The following DRG1 variants were observed in gnomAD, a reference collection of about 807,000 sequenced individuals.
The protein encoded by DRG1 is developmentally-regulated GTP-binding protein 1.
In DRG1, 19 loss-of-function variants were observed where a neutral mutation model predicts 38.8. The observed-to-expected ratio is 0.49, with a 90% CI of 0.34 to 0.72. The LOEUF (loss-of-function observed/expected upper bound fraction) is 0.72. Among genes scored for constraint, DRG1 ranks in the 30% least tolerant of loss-of-function variants. The pLI is 0.01. For synonymous variants in DRG1, 167 were observed against 157.5 expected (o/e 1.06, Z -0.45); for missense variants, 299 against 444.8 (o/e 0.67, Z 2.95).
intron 4 of DRG1, among the ~76,000 whole-genome samples, chr22:31,418,411 T>G (rs2050056135): frequency 6.6e-6 from 1 of 152,118 alleles, no homozygotes; most frequent in South Asian, 2.1e-4. Context: ...TGAGCTATGA[T>G]CATGCGACTG....
At chr22:31,421,075 G>A (rs541718050) in intron 5 of DRG1, among the ~76,000 whole-genome samples, 6 of 151,966 alleles carry the variant, frequency 3.9e-5, no homozygotes, top group Admixed American at 1.3e-4. Flanking sequence ...GCCTGCCATC[G>A]CACCCAGCTA....
intron 4 of DRG1, among the ~76,000 whole-genome samples, chr22:31,418,563 A>G (rs2050057283): frequency 6.6e-6 from 1 of 152,078 alleles, no homozygotes; most frequent in Non-Finnish European, 1.5e-5. Flanking sequence ...GCTGGAGTGC[A>G]GTGGCATGAT....
At chr22:31,409,579 G>A (rs926383663) in intron 3 of DRG1, among the ~76,000 whole-genome samples, 3 of 152,168 alleles carry the variant, frequency 2.0e-5, no homozygotes, top group Non-Finnish European at 4.4e-5. Context: ...TTTGTGAGTT[G>A]GGGATTTGCA....
rs1483080610 is a variant in DRG1 at position 31,415,880 on chromosome 22, C to T, written c.413-4376C>T. 2.0e-5 allele frequency among the ~76,000 whole-genome samples: 3 copies of T among 151,782 alleles called. No homozygotes were observed. In the South Asian group the frequency reaches 6.2e-4, roughly 31 times the overall value. On this transcript the variant is annotated intron_variant, in intron 4 of 8. Transcript: ENST00000331457. ...CCTTCTTTTTTTTTCCCCTTTGATTCGTAGTGACTGCAAACTCTTCACCTA... is the reference window on the plus strand; with the variant it reads ...CCTTCTTTTTTTTTCCCCTTTGATTTGTAGTGACTGCAAACTCTTCACCTA...
chr22:31,413,303 C>A (rs978233982), intron 4 of DRG1, among the ~76,000 whole-genome samples: 1 of 152,090 alleles, frequency 6.6e-6, no homozygotes, highest in Non-Finnish European at 1.5e-5. Flanking sequence ...CTCTGTTGCC[C>A]AGGCTGGTCT....
intron 8 of DRG1, among the ~76,000 whole-genome samples, chr22:31,428,086 G>A (rs1377072991): frequency 1.3e-5 from 2 of 152,092 alleles, no homozygotes; most frequent in African/African-American, 4.8e-5. Flanking sequence ...TCCTGAGCTC[G>A]AGCAATTCAC....
intron 3 of DRG1, among the ~76,000 whole-genome samples, chr22:31,407,485 A>G (rs1328033272): frequency 2.0e-5 from 3 of 151,842 alleles, no homozygotes; most frequent in Non-Finnish European, 4.4e-5. Flanking sequence ...ATAGGCATGC[A>G]CTACCATGCC....
chr22:31,409,748 CT>C (rs932512183), intron 3 of DRG1, among the ~76,000 whole-genome samples: 1 of 151,992 alleles, frequency 6.6e-6, no homozygotes, highest in Non-Finnish European at 1.5e-5. Context: ...AATCCTAGTA[CT>C]TTGGGAGGCT....
chr22:31,418,393 G>A (rs2050056037), intron 4 of DRG1, among the ~76,000 whole-genome samples: 2 of 152,118 alleles, frequency 1.3e-5, no homozygotes, highest in Admixed American at 1.3e-4. Flanking sequence ...AGGAGGTGGA[G>A]GTTATAATGA....
intron 4 of DRG1, among the ~76,000 whole-genome samples, chr22:31,411,467 A>T (rs1238387765): frequency 6.6e-6 from 1 of 151,610 alleles, no homozygotes; most frequent in Admixed American, 6.6e-5. Context: ...GTTTTGCTGA[A>T]GCACATTCTT....
intron 4 of DRG1, among the ~76,000 whole-genome samples, chr22:31,417,948 A>G (rs923475426): frequency 3.9e-4 from 59 of 149,446 alleles, no homozygotes; most frequent in Middle Eastern, 3.6e-3. Context: ...GGTCGCACCA[A>G]TGCACTCCAG....
chr22:31,402,990 G>A (rs374693087), intron 2 of DRG1, 39 bp from the exon 3 acceptor site: 1 of 1,587,014 alleles, frequency 6.3e-7, no homozygotes, highest in Non-Finnish European at 8.6e-7. Context: ...ACACTCTGGG[G>A]GATAACTCTC....
At chr22:31,402,307 AG>A (rs1417107077) in intron 2 of DRG1, among the ~76,000 whole-genome samples, 3 of 152,100 alleles carry the variant, frequency 2.0e-5, no homozygotes, top group Non-Finnish European at 4.4e-5. Flanking sequence ...AAAGAAAAAA[AG>A]AAAACCCAGT....
chr22:31,423,521 GTC>G, intron 6 of DRG1, 111 bp downstream of exon 6: 233 of 665,214 alleles, frequency 3.5e-4, no homozygotes, highest in Non-Finnish European at 4.8e-4. Context: ...TTGTCCTACT[GTC>G]TTTTTTTTTT....
At chr22:31,417,072 A>AT (rs34116958) in intron 4 of DRG1, among the ~76,000 whole-genome samples, 6,164 of 150,670 alleles carry the variant, frequency 0.041, 177 homozygotes, top group East Asian at 0.051. Flanking sequence ...TCAAAAAAAA[A>AT]AATAATAATA....
In DRG1 at chr22:31,402,222, G is replaced by A. The variant is rs893759399; in HGVS notation, c.167-807G>A. Among the ~76,000 whole-genome samples the A allele has an allele frequency of 8.5e-5, 13 of 152,114 alleles. No homozygotes were observed. In the East Asian group the frequency reaches 1.2e-3, roughly 14 times the overall value. On this transcript the variant is annotated intron_variant, in intron 2 of 8. Coordinates refer to ENST00000331457, the MANE Select transcript of DRG1 (RefSeq NM_004147.4). ...AAGATTTAGGACTAAAAGGAATGGCGTAAGATCTGTGCACCTGGTAGAGAA... is the reference window on the plus strand; with the variant it reads ...AAGATTTAGGACTAAAAGGAATGGCATAAGATCTGTGCACCTGGTAGAGAA...
At chr22:31,407,734 C>T (rs936459633) in intron 3 of DRG1, among the ~76,000 whole-genome samples, 2 of 142,506 alleles carry the variant, frequency 1.4e-5, no homozygotes, top group East Asian at 4.1e-4. Context: ...TGAACTGTCT[C>T]GCACCTGCTA....
chr22:31,426,640 T>C lies in DRG1; in HGVS notation c.739T>C (p.Leu247=), dbSNP rs752002764. The C allele has an allele frequency of 3.7e-6, 6 of 1,613,762 alleles. No homozygotes were observed. In the South Asian group the frequency reaches 6.6e-5, roughly 18 times the overall value. ...AGTTTATATCCCCTGTATCTATGTG[T>C]TAAATAAGATTGACCAAATCTCCAT... ...NRVYIPCIYV[L]NKIDQISIEE... is the part of the protein sequence containing the mutation. The change falls in exon 7 of 9, where the codon TTA becomes CTA. Residue 247 remains leucine (L), a synonymous_variant. Transcript: ENST00000331457.
rs3091392 is a variant in DRG1, at chr22:31,434,435, T to C, written c.*464T>C. The C allele has an allele frequency of 0.85, 132,981 of 157,096 alleles. 56,556 individuals are homozygous for C. Among genetic ancestry groups the C allele is most frequent in the East Asian group, 0.94 (4,986 of 5,280 alleles). 9.7% of individuals were successfully genotyped at this position (157,096 alleles called of 1,614,324 possible). On this transcript the variant is annotated 3_prime_UTR_variant, in exon 9 of 9. Coordinates refer to ENST00000331457, the MANE Select transcript of DRG1 (RefSeq NM_004147.4). ...AGAGGAAGGACTTTATGTAAGTTAATTGATCACTCCCCGCAAGGCTAACCT... is the reference window on the plus strand; with the variant it reads ...AGAGGAAGGACTTTATGTAAGTTAACTGATCACTCCCCGCAAGGCTAACCT...
Sources: gnomAD v4.1 joint callset for allele counts (sites outside exome capture counted in the v4.1 genomes callset) on GRCh38, gnomAD v4.1.1 for gene constraint, MANE v1.5 for transcripts, NCBI Gene and HGNC (gene_info 2026-07-23, HGNC 2026-07-21) for gene names.